The following INO80D variants were observed in gnomAD, a reference collection of about 807,000 sequenced individuals.
The protein encoded by INO80D is INO80 complex subunit D.
INO80D carries 21 observed loss-of-function variants against 87.6 expected under a neutral mutation model. The ratio of observed to expected loss-of-function variants is 0.24; its 90% CI spans 0.17 to 0.35. INO80D has a LOEUF of 0.35. Ranked by LOEUF, INO80D falls within the 10% of genes least tolerant of loss-of-function variation. INO80D has a pLI of 1.00. For synonymous variants in INO80D, 440 were observed against 491.0 expected (o/e 0.90, Z 1.37); for missense variants, 982 against 1,280.7 (o/e 0.77, Z 3.56).
chr2:206,028,076 T>G, intron 6 of INO80D, 35 bp downstream of exon 6: 5 of 1,400,136 alleles, frequency 3.6e-6, no homozygotes, highest in South Asian at 1.3e-5. Flanking sequence ...CAAACTGAGA[T>G]GAGTCCCTTA....
chr2:206,074,050 GA>G (rs759005262), intron 1 of INO80D, among the ~76,000 whole-genome samples: 2 of 149,650 alleles, frequency 1.3e-5, no homozygotes, highest in African/African-American at 4.9e-5. Context: ...ACTTTAAAAA[GA>G]AAAAAAAACC....
At chr2:206,050,839 G>T (rs536314773) in intron 4 of INO80D, among the ~76,000 whole-genome samples, 1 of 151,100 alleles carries the variant, frequency 6.6e-6, no homozygotes, top group Admixed American at 6.6e-5. Flanking sequence ...CGTGGTCGCG[G>T]GCGCCTGTAG....
At chr2:206,042,527 G>T (rs1411713045) in intron 5 of INO80D, among the ~76,000 whole-genome samples, 1 of 151,668 alleles carries the variant, frequency 6.6e-6, no homozygotes, top group South Asian at 2.1e-4. Context: ...ACTAAAAATA[G>T]AAAAGTTAGC....
chr2:206,080,107 T>A (rs1462613135), intron 1 of INO80D, among the ~76,000 whole-genome samples: 1 of 152,198 alleles, frequency 6.6e-6, no homozygotes, highest in Non-Finnish European at 1.5e-5. Context: ...TCTTCTCCAA[T>A]AGACTAAAAA....
chr2:206,025,365 T>A (rs1283962662), intron 6 of INO80D, among the ~76,000 whole-genome samples: 1 of 150,680 alleles, frequency 6.6e-6, no homozygotes, highest in African/African-American at 2.4e-5. Flanking sequence ...CCATTTCTAC[T>A]AAAAATACAA....
rs1397433506 is a variant in INO80D at position 206,005,507 on chromosome 2, T to C, written c.1945A>G (p.Thr649Ala). The change falls in exon 11 of 11, where the codon ACC (threonine) becomes GCC (alanine). Residue 649 changes from threonine to alanine, a missense_variant. Physicochemically the swap from Thr to Ala is moderately conservative, Grantham distance 58. Transcript: ENST00000403263. The stretch of plus-strand genomic sequence containing the variant: ...CGTTCAAGCTCCTCAGCCTCTTCGG[T>C]AGTTGGGAGGAGGTCTCCATTCTTC... ...EGKNGDLLPTTEEAEELERAL... is the reference protein window; with the variant it reads ...EGKNGDLLPTAEEAEELERAL... 1 of 1,612,818 alleles carries C rather than the reference T, an allele frequency of 6.2e-7. No individual in the cohort carries two copies.
chr2:206,039,354 G>A (rs13418835), intron 5 of INO80D, among the ~76,000 whole-genome samples: 2,842 of 150,608 alleles, frequency 0.019, 82 homozygotes, highest in African/African-American at 0.065. Flanking sequence ...CCGAGATTGC[G>A]CCATTGTACT....
intron 10 of INO80D, among the ~76,000 whole-genome samples, chr2:206,006,456 G>A (rs1688026908): frequency 6.6e-6 from 1 of 152,076 alleles, no homozygotes; most frequent in Non-Finnish European, 1.5e-5. Flanking sequence ...GCCAAGGCAG[G>A]TGGATCACCT....
chr2:206,051,036 T>C (rs1174094588), intron 4 of INO80D, among the ~76,000 whole-genome samples: 38 of 150,298 alleles, frequency 2.5e-4, no homozygotes, highest in African/African-American at 4.8e-5. Context: ...TCCAGCTAGA[T>C]AAAATGTAAA....
chr2:206,004,907 T>C lies in INO80D; in HGVS notation c.2545A>G (p.Thr849Ala). 6.2e-7 allele frequency: 1 copy of C among 1,613,864 alleles called. No homozygotes were observed. The highest frequency in any genetic ancestry group is 8.5e-7 in the Non-Finnish European group (1 of 1,179,840). The change falls in exon 11 of 11, where the codon ACA becomes GCA. Residue 849 changes from threonine (T) to alanine (A), a missense_variant. Thr to Ala is a moderately conservative substitution (Grantham distance 58). Coordinates refer to ENST00000403263, the MANE Select transcript of INO80D (RefSeq NM_017759.5). This position sits in a 1 kb window ranked among gnomAD's most constrained non-coding sequence, Gnocchi z 4.9. Reference sequence around the variant, plus strand: ...GCCATATTATCACCAGAGTACGATGTTGTGTGGGGAGAGGTGATATGGTCA... The same window carrying C: ...GCCATATTATCACCAGAGTACGATGCTGTGTGGGGAGAGGTGATATGGTCA... ...YSDHITSPHT[T>A]SYSGDNMAAT... is the part of the protein sequence containing the mutation.
rs1687898878 is a variant in INO80D at position 206,000,942 on chromosome 2, G to GA, written c.*3425dup. ...TGCCTGCCAACATGAAATTGCTCAG[G>GA]AAGTCATTTATAAAGCAGTTATATC... On this transcript the variant is annotated 3_prime_UTR_variant, in exon 11 of 11. Transcript: ENST00000403263. 6.6e-6 allele frequency: 1 copy of GA among 152,150 alleles called. No individual in the cohort carries two copies. The highest frequency in any genetic ancestry group is 2.4e-5 in the African/African-American group (1 of 41,438). The allele number at this position is 152,150 out of a possible 1,614,324, so 9.4% of individuals were successfully genotyped here.
chr2:205,995,146 T>C lies in INO80D; in HGVS notation c.*9222A>G, dbSNP rs1033283201. On this transcript the variant is annotated 3_prime_UTR_variant, in exon 11 of 11. Transcript: ENST00000403263. ...TTGATCTAGGAGATGGTGGCTGACA[T>C]ACACTAACGGAAATATTAGGATTGC... 3.3e-5 allele frequency: 5 copies of C among 152,274 alleles called. No individual in the cohort carries two copies. The highest frequency in any genetic ancestry group is 9.6e-5 in the African/African-American group (4 of 41,554). 9.4% of individuals were successfully genotyped at this position (152,274 alleles called of 1,614,324 possible).
chr2:206,034,308 C>T (rs1053739424), intron 5 of INO80D, among the ~76,000 whole-genome samples: 3 of 152,202 alleles, frequency 2.0e-5, no homozygotes, highest in African/African-American at 7.2e-5. Context: ...AACCACAGAC[C>T]GATATCCCTG....
At chr2:206,035,223 CA>C (rs1308704244) in intron 5 of INO80D, among the ~76,000 whole-genome samples, 1 of 151,976 alleles carries the variant, frequency 6.6e-6, no homozygotes, top group Non-Finnish European at 1.5e-5. Context: ...TCATTCTTCA[CA>C]AAATTAGAAA....
At chr2:206,050,835 CGCGG>C (rs1334800749) in intron 4 of INO80D, among the ~76,000 whole-genome samples, 2 of 150,440 alleles carry the variant, frequency 1.3e-5, no homozygotes, top group Non-Finnish European at 3.0e-5. Flanking sequence ...TGGGCGTGGT[CGCGG>C]GCGCCTGTAG....
chr2:206,007,726 G>C (rs1164505043), intron 9 of INO80D, among the ~76,000 whole-genome samples: 1 of 151,838 alleles, frequency 6.6e-6, no homozygotes, highest in Non-Finnish European at 1.5e-5. Flanking sequence ...GAAGGCTAAG[G>C]CATGAGAATC....
intron 1 of INO80D, among the ~76,000 whole-genome samples, chr2:206,076,051 CA>C (rs11288087): frequency 0.27 from 28,553 of 106,012 alleles, 2,877 homozygotes; most frequent in Non-Finnish European, 0.31. Flanking sequence ...GACTCCCTCT[CA>C]AAAAAAAAAA....
chr2:206,080,926 AAG>A (rs1553623106), intron 1 of INO80D, among the ~76,000 whole-genome samples: 4 of 150,276 alleles, frequency 2.7e-5, no homozygotes, highest in Admixed American at 6.6e-5. Flanking sequence ...AAAAAAAAAA[AAG>A]AATATTAAAA....
In INO80D at chr2:206,031,068, A is replaced by G. The variant is rs923490197; in HGVS notation, c.1074-2733T>C. Among the ~76,000 whole-genome samples, 3 of 152,240 alleles carry G rather than the reference A, an allele frequency of 2.0e-5. No homozygotes were observed. In the South Asian group the frequency reaches 6.2e-4, roughly 32 times the overall value. On this transcript the variant is annotated intron_variant, in intron 5 of 10. Transcript: ENST00000403263. ...AACAAAGAATGGGAAGGACAGTAACATCATGTATAAAACAAGGAACTAAAA... is the reference window on the plus strand; with the variant it reads ...AACAAAGAATGGGAAGGACAGTAACGTCATGTATAAAACAAGGAACTAAAA...
Sources: gnomAD v4.1 joint callset for allele counts (sites outside exome capture counted in the v4.1 genomes callset) on GRCh38, gnomAD v4.1.1 for gene constraint, Gnocchi (gnomAD v3.1) non-coding constraint, MANE v1.5 for transcripts, NCBI Gene and HGNC (gene_info 2026-07-23, HGNC 2026-07-21) for gene names.